The following QRICH1 variants were observed in gnomAD, a reference collection of about 807,000 sequenced individuals.
QRICH1 encodes the protein glutamine rich 1.
Under a neutral mutation model 87.1 loss-of-function variants are expected in QRICH1, and 16 were observed. The observed-to-expected ratio is 0.18, with a 90% CI of 0.12 to 0.28. The LOEUF (loss-of-function observed/expected upper bound fraction) is 0.28, where lower values mean the gene tolerates loss of function less well. Ranked by LOEUF, QRICH1 falls within the 10% of genes least tolerant of loss-of-function variation. The pLI is 1.00. For synonymous variants in QRICH1, 367 were observed against 368.4 expected, an observed-to-expected ratio of 1.00 and a Z score of 0.05; for missense variants, 647 against 951.7, an observed-to-expected ratio of 0.68 and a Z score of 4.21.
chr3:49,048,040 C>T (rs559096645), intron 3 of QRICH1, among the ~76,000 whole-genome samples: 49 of 152,124 alleles, frequency 3.2e-4, no homozygotes, highest in Admixed American at 2.6e-3. Flanking sequence ...CTCCCACAGT[C>T]TTTAATGTGC....
At chr3:49,065,070 C>T (rs1222802278) in intron 2 of QRICH1, among the ~76,000 whole-genome samples, 1 of 151,566 alleles carries the variant, frequency 6.6e-6, no homozygotes, top group Non-Finnish European at 1.5e-5. Flanking sequence ...AACATATTCT[C>T]ATGAAAAATA....
intron 2 of QRICH1, among the ~76,000 whole-genome samples, chr3:49,062,782 C>T (rs1056476745): frequency 9.2e-5 from 14 of 151,560 alleles, no homozygotes; most frequent in African/African-American, 2.9e-4. Context: ...CCGAGGCAGG[C>T]GGATCATGAG....
At chr3:49,055,333 TCCCA>T (rs2093394998) in intron 3 of QRICH1, among the ~76,000 whole-genome samples, 2 of 152,106 alleles carry the variant, frequency 1.3e-5, no homozygotes, top group Non-Finnish European at 2.9e-5. Context: ...CCTTCATCAG[TCCCA>T]TAAGACCAGA....
chr3:49,045,916 C>T lies in QRICH1; in HGVS notation c.1671+509G>A, dbSNP rs538527871. 3.1e-3 allele frequency among the ~76,000 whole-genome samples: 457 copies of T among 145,704 alleles called. 4 individuals are homozygous for T. The highest frequency in any genetic ancestry group is 0.011 in the African/African-American group (419 of 39,582). ...GCTCTTATTTTTTTTCTTTTCTTTT[C>T]TTTTTTTTTTAATTTTTGAGACAGA... On this transcript the variant is annotated intron_variant, in intron 5 of 9. Transcript: ENST00000395443.
chr3:49,047,297 C>G, intron 3 of QRICH1, 51 bp from the exon 4 acceptor site: 1 of 1,525,550 alleles, frequency 6.6e-7, no homozygotes, highest in South Asian at 1.2e-5. Flanking sequence ...ATATTAGATC[C>G]TTCTGCAAAA....
chr3:49,088,053 G>A (rs2042203631), intron 1 of QRICH1, among the ~76,000 whole-genome samples: 1 of 150,400 alleles, frequency 6.6e-6, no homozygotes, highest in South Asian at 2.1e-4. Context: ...CCGGGTTCAC[G>A]CCAGTCTCCT....
At chr3:49,062,053 G>C (rs1232994900) in intron 2 of QRICH1, among the ~76,000 whole-genome samples, 1 of 151,952 alleles carries the variant, frequency 6.6e-6, no homozygotes. Context: ...AATTGGTGTA[G>C]TTGGCCAGAT....
At chr3:49,043,491 T>A (rs1665004591) in intron 6 of QRICH1, among the ~76,000 whole-genome samples, 1 of 75,988 alleles carries the variant, frequency 1.3e-5, no homozygotes, top group Admixed American at 1.9e-4. Context: ...AGCAAAACTC[T>A]GTCTCAAAAA....
At chr3:49,032,939 G>A (rs1284377805) in intron 7 of QRICH1, 166 bp from the exon 8 acceptor site, 1 of 976,324 alleles carries the variant, frequency 1.0e-6, no homozygotes, top group South Asian at 1.8e-5. Flanking sequence ...AAGATGGATG[G>A]TAGGGGTCTG....
In QRICH1 at chr3:49,053,284, C is replaced by T. The variant is rs181742552; in HGVS notation, c.1338+3578G>A. On this transcript the variant is annotated intron_variant, in intron 3 of 9. Transcript: ENST00000395443. ...CAGGTGGATCACGAGGTCAGGAGAT[C>T]GAGACCATCCTGACTAACATGGTGA... Among the ~76,000 whole-genome samples, 73 of 152,012 alleles carry T rather than the reference C, an allele frequency of 4.8e-4. 1 individual carries two copies. In the East Asian group the frequency reaches 0.014, roughly 28 times the overall value.
chr3:49,084,309 G>T (rs990581307), intron 1 of QRICH1, among the ~76,000 whole-genome samples: 4 of 151,356 alleles, frequency 2.6e-5, no homozygotes, highest in African/African-American at 9.7e-5. Context: ...AGGCTGGAGC[G>T]TAGTGGCACG....
At chr3:49,064,537 G>C (rs1345476356) in intron 2 of QRICH1, among the ~76,000 whole-genome samples, 1 of 151,770 alleles carries the variant, frequency 6.6e-6, no homozygotes, top group Non-Finnish European at 1.5e-5. Context: ...ACAGGCATGA[G>C]CCACCACGCC....
chr3:49,033,098 G>T, intron 7 of QRICH1, 22 bp downstream of exon 7: 1 of 1,454,770 alleles, frequency 6.9e-7, no homozygotes, highest in Non-Finnish European at 9.2e-7. Flanking sequence ...GATGCCAGCA[G>T]TGGAGCCTCT....
chr3:49,090,928 A>G (rs1209771229), intron 1 of QRICH1, among the ~76,000 whole-genome samples: 1 of 152,214 alleles, frequency 6.6e-6, no homozygotes, highest in Non-Finnish European at 1.5e-5. Context: ...ATAACAGAAA[A>G]GAACAGGTAA....
At chr3:49,063,128 G>C (rs530295191) in intron 2 of QRICH1, among the ~76,000 whole-genome samples, 32 of 152,274 alleles carry the variant, frequency 2.1e-4, no homozygotes, top group African/African-American at 7.2e-4. Flanking sequence ...AAGTATAAAA[G>C]GGGAGAATGT....
chr3:49,051,611 C>A (rs1259423127), intron 3 of QRICH1, among the ~76,000 whole-genome samples: 1 of 133,750 alleles, frequency 7.5e-6, no homozygotes, highest in East Asian at 2.5e-4. Context: ...CTTAATATAC[C>A]TAGTGGGTAC....
intron 3 of QRICH1, among the ~76,000 whole-genome samples, chr3:49,050,761 A>G (rs749746733): frequency 1.3e-5 from 2 of 152,164 alleles, no homozygotes; most frequent in Non-Finnish European, 2.9e-5. Flanking sequence ...AAACAGTTCC[A>G]TGAACTGCCA....
chr3:49,075,019 A>G (rs2041922822), intron 2 of QRICH1, among the ~76,000 whole-genome samples: 1 of 151,964 alleles, frequency 6.6e-6, no homozygotes, highest in African/African-American at 2.4e-5. Flanking sequence ...TTTAGTTTAC[A>G]GTACTCGAAA....
rs10691654 is a variant in QRICH1, at chr3:49,034,079, T to TTTATTATTATTATTATTA, written c.1787-869_1787-852dup. Among the ~76,000 whole-genome samples the TTTATTATTATTATTATTA allele has an allele frequency of 2.0e-3, 299 of 147,204 alleles. 1 individual carries two copies. Among genetic ancestry groups the TTTATTATTATTATTATTA allele is most frequent in the African/African-American group, 7.0e-3 (280 of 40,272 alleles). On this transcript the variant is annotated intron_variant, in intron 6 of 9. Transcript: ENST00000395443. ...AAGAGACTGATACTCTTTGGGGGAT[T>TTTATTATTATTATTATTA]TTATTATTATTATTATTATTATTAT...
Sources: allele counts gnomAD v4.1 joint callset (sites outside exome capture counted in the v4.1 genomes callset), GRCh38; gene constraint gnomAD v4.1.1; transcripts MANE v1.5; gene names NCBI Gene and HGNC (gene_info 2026-07-23, HGNC 2026-07-21).